The following BAZ1B variants were observed in gnomAD, a reference collection of about 807,000 sequenced individuals.
The protein encoded by BAZ1B is tyrosine-protein kinase BAZ1B.
A neutral mutation model predicts 153.8 loss-of-function variants in BAZ1B; 22 were observed. The observed-to-expected ratio is 0.14, with a 90% CI of 0.10 to 0.20. BAZ1B has a LOEUF of 0.20. Ranked by LOEUF, BAZ1B falls within the 10% of genes least tolerant of loss-of-function variation. The pLI, the probability that BAZ1B is intolerant of heterozygous loss-of-function variation, is 1.00. For synonymous variants in BAZ1B, 676 were observed against 633.4 expected (o/e 1.07, Z -1.01); for missense variants, 1,325 against 1,799.3 (o/e 0.74, Z 4.77).
intron 6 of BAZ1B, among the ~76,000 whole-genome samples, chr7:73,487,588 A>C (rs1789459382): frequency 6.6e-6 from 1 of 152,162 alleles, no homozygotes; most frequent in Non-Finnish European, 1.5e-5. Flanking sequence ...AATATTAAGG[A>C]CTCAAGTAAT....
chr7:73,469,686 T>C (rs782596423), intron 8 of BAZ1B, 36 bp from the exon 9 acceptor site: 15 of 1,610,370 alleles, frequency 9.3e-6, no homozygotes, highest in Middle Eastern at 1.7e-4. Context: ...AGACAGTGAA[T>C]AGATCAGGAT....
intron 13 of BAZ1B, among the ~76,000 whole-genome samples, chr7:73,459,260 C>CA (rs1206503758): frequency 7.5e-5 from 11 of 145,906 alleles, no homozygotes; most frequent in Non-Finnish European, 1.1e-4. Flanking sequence ...AAAAAAAAAA[C>CA]AAAAAAAAGA....
chr7:73,513,200 GC>G (rs1790656742), intron 1 of BAZ1B, among the ~76,000 whole-genome samples: 1 of 152,114 alleles, frequency 6.6e-6, no homozygotes, highest in Non-Finnish European at 1.5e-5. Context: ...CAGTCCTCCT[GC>G]CTCAATCTCC....
intron 7 of BAZ1B, among the ~76,000 whole-genome samples, chr7:73,474,529 C>A (rs560437283): frequency 4.6e-5 from 7 of 152,344 alleles, no homozygotes; most frequent in African/African-American, 1.7e-4. Flanking sequence ...AATCCCAGCA[C>A]TCTGGGAGGC....
At chr7:73,493,018 G>A in intron 4 of BAZ1B, 97 bp from the exon 5 acceptor site, 1 of 1,292,618 alleles carries the variant, frequency 7.7e-7, no homozygotes, top group South Asian at 1.5e-5. Flanking sequence ...CTCTTCACTA[G>A]GCACTGGGTG....
intron 3 of BAZ1B, among the ~76,000 whole-genome samples, chr7:73,504,479 C>T (rs1179737375): frequency 2.0e-5 from 3 of 151,962 alleles, no homozygotes; most frequent in Admixed American, 6.6e-5. Flanking sequence ...CTGGCTAATA[C>T]GGTGAAACCC....
At chr7:73,520,715 G>C (rs1791000681) in intron 1 of BAZ1B, among the ~76,000 whole-genome samples, 2 of 152,284 alleles carry the variant, frequency 1.3e-5, no homozygotes, top group Non-Finnish European at 1.5e-5. Context: ...ATCCTCTAAA[G>C]TACTGCGTTA....
intron 4 of BAZ1B, among the ~76,000 whole-genome samples, chr7:73,498,163 T>C (rs1789991321): frequency 6.6e-6 from 1 of 152,112 alleles, no homozygotes; most frequent in Non-Finnish European, 1.5e-5. Context: ...TTTCACCATG[T>C]TGACCAGGCT....
chr7:73,441,726 G>A, intron 19 of BAZ1B, 33 bp from the exon 20 acceptor site: 1 of 162,976 alleles, frequency 6.1e-6, no homozygotes, highest in Non-Finnish European at 1.3e-5. Flanking sequence ...GACAGAGTAT[G>A]GGCTTAAAGA....
chr7:73,494,030 C>CTAGAGAACCAA (rs1383577439), intron 4 of BAZ1B, among the ~76,000 whole-genome samples: 4 of 152,062 alleles, frequency 2.6e-5, no homozygotes, highest in Non-Finnish European at 5.9e-5. Context: ...CTTGCTAGCA[C>CTAGAGAACCAA]TAGAGAACCA....
At position 73,476,923 on chromosome 7, in the gene BAZ1B, C is replaced by T. The variant is rs1257315611; in HGVS notation, c.2538G>A (p.Arg846=). 1 of 1,611,668 alleles carries T rather than the reference C, an allele frequency of 6.2e-7. No individual in the cohort carries two copies. The highest frequency in any genetic ancestry group is 8.5e-7 in the Non-Finnish European group (1 of 1,179,490). The change falls in exon 7 of 20, where the codon AGG becomes AGA. Residue 846 remains arginine, a synonymous_variant. Coordinates refer to ENST00000339594, the MANE Select transcript of BAZ1B (RefSeq NM_032408.4). ...EDMISAVKSR[R]LLAIQAKKER... Reference sequence around the variant, plus strand: ...CCTTCTTAGCTTGAATGGCAAGCAACCTTCTGCTCTTCACAGCACTAATCA... The same window carrying T: ...CCTTCTTAGCTTGAATGGCAAGCAATCTTCTGCTCTTCACAGCACTAATCA...
intron 3 of BAZ1B, among the ~76,000 whole-genome samples, chr7:73,505,881 C>T (rs1402142963): frequency 3.9e-5 from 6 of 152,186 alleles, no homozygotes; most frequent in African/African-American, 1.4e-4. Flanking sequence ...TTAAGTATCA[C>T]ACCAAAGTTT....
At chr7:73,465,277 A>G (rs931577004) in intron 11 of BAZ1B, among the ~76,000 whole-genome samples, 162 bp downstream of exon 11, 1 of 152,228 alleles carries the variant, frequency 6.6e-6, no homozygotes, top group African/African-American at 2.4e-5. Context: ...TCCAATAAGC[A>G]TAATATGCCA....
chr7:73,504,200 C>T (rs563268940), intron 3 of BAZ1B, among the ~76,000 whole-genome samples: 1 of 152,280 alleles, frequency 6.6e-6, no homozygotes, highest in South Asian at 2.1e-4. Flanking sequence ...TGCCAGGACA[C>T]TGACTGATAT....
chr7:73,467,544 GTT>G (rs1299111397), intron 9 of BAZ1B, among the ~76,000 whole-genome samples: 1 of 150,060 alleles, frequency 6.7e-6, no homozygotes, highest in African/African-American at 2.5e-5. Flanking sequence ...TAATTTTTGT[GTT>G]TTTTGTAGAG....
In BAZ1B at chr7:73,459,557, C is replaced by A; in HGVS notation, c.3411G>T (p.Lys1137Asn). The A allele has an allele frequency of 6.2e-7, 1 of 1,612,948 alleles. No homozygotes were observed. Among genetic ancestry groups the A allele is most frequent in the Non-Finnish European group, 8.5e-7 (1 of 1,179,796 alleles). Reference sequence around the variant, plus strand: ...ATACCTTTGCTTCCTCTACCATTTTCTTCTCTTCATCCACTTCCTCAGTTT... The same window carrying A: ...ATACCTTTGCTTCCTCTACCATTTTATTCTCTTCATCCACTTCCTCAGTTT... ...SAKTEEVDEE[K>N]KMVEEAKVAS... The change falls in exon 13 of 20, where the codon AAG (lysine) becomes AAT (asparagine). Residue 1137 changes from lysine to asparagine, a missense_variant. This residue lies in a region of BAZ1B where 431 missense variants were observed against 563.5 expected (regional missense o/e 0.76). Transcript: ENST00000339594.
rs1209960636 is a variant in BAZ1B, at chr7:73,444,875, G to A, written c.3845-746C>T. ...ACTAAAAATACAAAATTAGCAGGGC[G>A]TGGTGGCACATGCTGGTAATCCCAG... On this transcript the variant is annotated intron_variant, in intron 16 of 19. Coordinates refer to ENST00000339594, the MANE Select transcript of BAZ1B (RefSeq NM_032408.4). Among the ~76,000 whole-genome samples the A allele has an allele frequency of 2.0e-5, 3 of 152,242 alleles. No individual in the cohort carries two copies. The East Asian group carries it at 5.8e-4, about 29-fold the overall frequency.
At chr7:73,448,882 T>A (rs1406230468) in intron 15 of BAZ1B, among the ~76,000 whole-genome samples, 1 of 152,214 alleles carries the variant, frequency 6.6e-6, no homozygotes, top group Non-Finnish European at 1.5e-5. Flanking sequence ...TGTGAGCAGA[T>A]CTTTGCTTTG....
At chr7:73,481,306 T>C (rs1789187630) in intron 6 of BAZ1B, among the ~76,000 whole-genome samples, 1 of 151,684 alleles carries the variant, frequency 6.6e-6, no homozygotes, top group Non-Finnish European at 1.5e-5. Flanking sequence ...GGCAGGCGGA[T>C]CATGAGGTCA....
Sources: gnomAD v4.1 joint callset for allele counts (sites outside exome capture counted in the v4.1 genomes callset) on GRCh38, gnomAD v4.1.1 for gene constraint, gnomAD v4.1.1 regional missense constraint, MANE v1.5 for transcripts, NCBI Gene and HGNC (gene_info 2026-07-23, HGNC 2026-07-21) for gene names.